The following DPP10 variants were observed in gnomAD, a reference collection of about 807,000 sequenced individuals.
DPP10 encodes inactive dipeptidyl peptidase 10.
Under a neutral mutation model 120.9 loss-of-function variants are expected in DPP10, and 33 were observed. The observed-to-expected ratio is 0.27, with a 90% CI of 0.21 to 0.37. The LOEUF (loss-of-function observed/expected upper bound fraction) is 0.37, where lower values mean the gene tolerates loss of function less well. Among genes scored for constraint, DPP10 ranks in the 10% least tolerant of loss-of-function variants. The probability of loss-of-function intolerance (pLI) is 1.00; values close to 1 mark genes in which losing one functional copy is unlikely to be tolerated. For synonymous variants in DPP10, 337 were observed against 326.1 expected, an observed-to-expected ratio of 1.03 and a Z score of -0.36; for missense variants, 816 against 942.8, an observed-to-expected ratio of 0.87 and a Z score of 1.76.
chr2:114,566,210 G>C (rs1573670595), intron 1 of DPP10, among the ~76,000 whole-genome samples: 1 of 152,126 alleles, frequency 6.6e-6, no homozygotes, highest in East Asian at 1.9e-4. Flanking sequence ...CCATGCCACT[G>C]TCAGGAAGAA....
intron 1 of DPP10, among the ~76,000 whole-genome samples, chr2:115,225,513 G>A (rs7574243): frequency 1.7e-4 from 25 of 147,086 alleles, no homozygotes; most frequent in Admixed American, 8.2e-4. Flanking sequence ...GTGTGTGTGC[G>A]TGTGTGTGTG....
chr2:114,829,646 G>A (rs933940805), intron 1 of DPP10, among the ~76,000 whole-genome samples: 3 of 151,412 alleles, frequency 2.0e-5, no homozygotes. Context: ...CAAAGTGCTC[G>A]GATTACAGGC....
intron 15 of DPP10, among the ~76,000 whole-genome samples, chr2:115,779,597 T>C (rs1013824453): frequency 6.6e-6 from 1 of 151,942 alleles, no homozygotes; most frequent in East Asian, 1.9e-4. Flanking sequence ...TATGGAAGAG[T>C]AGAGAGAAAA....
intron 1 of DPP10, among the ~76,000 whole-genome samples, chr2:114,457,995 C>T (rs1052607880): frequency 3.3e-5 from 5 of 152,126 alleles, no homozygotes; most frequent in Non-Finnish European, 5.9e-5. Context: ...TATGTGCTGT[C>T]GGAACTCTCT....
intron 3 of DPP10, among the ~76,000 whole-genome samples, chr2:115,385,881 T>C (rs1456137928): frequency 6.6e-6 from 1 of 152,186 alleles, no homozygotes; most frequent in East Asian, 1.9e-4. Flanking sequence ...TTTCCACTCC[T>C]ACATAAGGTA....
At chr2:114,763,613 T>A (rs1427775840) in intron 1 of DPP10, among the ~76,000 whole-genome samples, 2 of 152,162 alleles carry the variant, frequency 1.3e-5, no homozygotes, top group East Asian at 3.8e-4. Context: ...CTATTATATA[T>A]GATAATAAGT....
intron 3 of DPP10, among the ~76,000 whole-genome samples, chr2:115,376,658 G>A (rs1292152844): frequency 3.3e-5 from 5 of 149,522 alleles, no homozygotes; most frequent in South Asian, 4.3e-4. Flanking sequence ...CCACTAACTC[G>A]TCATCTAGCA....
chr2:114,961,476 CG>C (rs1461708895), intron 1 of DPP10, among the ~76,000 whole-genome samples: 2 of 151,218 alleles, frequency 1.3e-5, no homozygotes, highest in African/African-American at 4.9e-5. Context: ...TGTGTGCGCG[CG>C]CACATTTCAG....
intron 1 of DPP10, among the ~76,000 whole-genome samples, chr2:114,517,339 G>A (rs1033992244): frequency 1.3e-5 from 2 of 152,084 alleles, no homozygotes; most frequent in Non-Finnish European, 2.9e-5. Flanking sequence ...TGGCCAACAT[G>A]GTGAAACCCC....
intron 1 of DPP10, among the ~76,000 whole-genome samples, chr2:114,618,745 T>G (rs1344109149): frequency 1.3e-5 from 2 of 152,074 alleles, no homozygotes; most frequent in Non-Finnish European, 2.9e-5. Flanking sequence ...GTTTTTTGTT[T>G]TCTTGGAAGG....
intron 1 of DPP10, among the ~76,000 whole-genome samples, chr2:114,982,960 T>C (rs1208732015): frequency 2.0e-5 from 3 of 152,208 alleles, no homozygotes; most frequent in East Asian, 3.8e-4. Flanking sequence ...TACTTAAGCA[T>C]TGTTGTCCTA....
At chr2:115,759,691 A>G in intron 11 of DPP10, among the ~76,000 whole-genome samples, 1 of 101,760 alleles carries the variant, frequency 9.8e-6, no homozygotes, top group East Asian at 3.0e-4. Flanking sequence ...ACACACATAT[A>G]TATACACATA....
At chr2:115,183,868 G>A (rs921819089) in intron 1 of DPP10, among the ~76,000 whole-genome samples, 1 of 152,096 alleles carries the variant, frequency 6.6e-6, no homozygotes, top group African/African-American at 2.4e-5. Flanking sequence ...AGGAGGAGGG[G>A]AATCCAGAGG....
chr2:115,371,543 T>G (rs112239115), intron 3 of DPP10, among the ~76,000 whole-genome samples: 1 of 152,178 alleles, frequency 6.6e-6, no homozygotes, highest in Non-Finnish European at 1.5e-5. Flanking sequence ...TTGATTGTTC[T>G]GCCCTTTTCA....
intron 2 of DPP10, among the ~76,000 whole-genome samples, chr2:115,330,956 T>C (rs1285081468): frequency 3.3e-5 from 5 of 152,182 alleles, no homozygotes; most frequent in African/African-American, 1.2e-4. Context: ...TTTCCAATTC[T>C]GTGAAGAAAG....
At chr2:115,437,585 G>C (rs926084300) in intron 3 of DPP10, among the ~76,000 whole-genome samples, 2 of 152,018 alleles carry the variant, frequency 1.3e-5, no homozygotes, top group Non-Finnish European at 2.9e-5. Context: ...ACAGATAAAC[G>C]TATATGTGGT....
chr2:115,456,083 A>G (rs1426145560), intron 3 of DPP10, among the ~76,000 whole-genome samples: 1 of 152,172 alleles, frequency 6.6e-6, no homozygotes, highest in Non-Finnish European at 1.5e-5. Flanking sequence ...CAAAGGGCTA[A>G]TATCCAAAAT....
intron 5 of DPP10, among the ~76,000 whole-genome samples, chr2:115,670,084 A>T (rs2089748314): frequency 6.6e-6 from 1 of 152,010 alleles, no homozygotes; most frequent in Non-Finnish European, 1.5e-5. Flanking sequence ...TGGTTTTCAG[A>T]TGCAGTCTTC....
rs556109738 is a variant in DPP10 at position 115,622,844 on chromosome 2, T to G, written c.442-66843T>G. On this transcript the variant is annotated intron_variant, in intron 5 of 25. Transcript: ENST00000410059. ...TTCGTTTATTCTTTTTTTTTTTTTTTTTGTTTTTTGTTTTTTGAGATGGAG... is the reference window on the plus strand; with the variant it reads ...TTCGTTTATTCTTTTTTTTTTTTTTGTTGTTTTTTGTTTTTTGAGATGGAG... 8.1e-4 allele frequency among the ~76,000 whole-genome samples: 120 copies of G among 147,946 alleles called. 1 individual carries two copies. Among genetic ancestry groups the G allele is most frequent in the African/African-American group, 2.5e-3 (98 of 39,934 alleles).
Sources: allele counts gnomAD v4.1 joint callset (sites outside exome capture counted in the v4.1 genomes callset), GRCh38; gene constraint gnomAD v4.1.1; transcripts MANE v1.5; gene names NCBI Gene and HGNC (gene_info 2026-07-23, HGNC 2026-07-21).